Variants in ABCG1 observed in about 807,000 individuals in gnomAD.
ABCG1 encodes ATP binding cassette subfamily G member 1, also known as ATP-binding cassette sub-family G member 1.
ABCG1 carries 29 observed loss-of-function variants against 69.2 expected under a neutral mutation model. The observed-to-expected ratio is 0.42, with a 90% confidence interval of 0.31 to 0.57. The LOEUF is 0.57. Ranked by LOEUF, ABCG1 falls within the 20% of genes least tolerant of loss-of-function variation. ABCG1 has a pLI of 0.15. For missense variants in ABCG1, 718 were observed against 898.1 expected (o/e 0.80, Z 2.56); for synonymous variants, 370 against 374.8 (o/e 0.99, Z 0.15).
chr21:42,250,209 C>T (rs532081430), intron 2 of ABCG1, among the ~76,000 whole-genome samples: 1 of 152,202 alleles, frequency 6.6e-6, no homozygotes, highest in Non-Finnish European at 1.5e-5. Context: ...GGGTTTCTAG[C>T]TGCGCGTGTT....
At chr21:42,214,113 C>T (rs2067615341), upstream of ABCG1, among the ~76,000 whole-genome samples, 2 of 152,182 alleles carry the variant, frequency 1.3e-5, no homozygotes, top group Non-Finnish European at 2.9e-5. Flanking sequence ...GGGGTTCCCC[C>T]TAAATTTATT....
chr21:42,282,499 C>T, intron 6 of ABCG1, 80 bp downstream of exon 6: 2 of 1,491,972 alleles, frequency 1.3e-6, no homozygotes, highest in Non-Finnish European at 9.0e-7. Flanking sequence ...GTGACCCTGA[C>T]ATCCTGATGT....
chr21:42,217,062 C>G (rs1029589369), upstream of ABCG1, among the ~76,000 whole-genome samples: 3 of 152,224 alleles, frequency 2.0e-5, no homozygotes, highest in South Asian at 2.1e-4. Flanking sequence ...CACACACCAT[C>G]CCCCTGGCCA....
Position 42,287,971 on chromosome 21 carries a change from C to T in ABCG1, c.1056C>T (p.Asp352=), listed in dbSNP as rs965514138. 6.2e-7 allele frequency: 1 copy of T among 1,613,850 alleles called. No homozygotes were observed. Among genetic ancestry groups the T allele is most frequent in the Non-Finnish European group, 8.5e-7 (1 of 1,179,826 alleles). ...TTCGGGAGGGCATGTGTGACTCAGA[C>T]CACAAGAGAGACCTCGGGGGTGATG... The part of the protein sequence containing the change: ...RAVREGMCDS[D]HKRDLGGDAE... The change falls in exon 9 of 15, where the codon GAC becomes GAT. Residue 352 remains aspartate (D), a synonymous_variant. Coordinates refer to ENST00000398449, the MANE Select transcript of ABCG1 (RefSeq NM_016818.3). This position sits in a 1 kb window ranked among gnomAD's most constrained non-coding sequence, Gnocchi z 6.2.
chr21:42,289,311 C>T (rs146801556), intron 10 of ABCG1, among the ~76,000 whole-genome samples: 31 of 152,218 alleles, frequency 2.0e-4, no homozygotes, highest in Non-Finnish European at 2.6e-4. Flanking sequence ...CTTTCTTCAC[C>T]ATGTCAAAGG....
rs1285692966 is a variant in ABCG1 at position 42,258,108 on chromosome 21, C to T, written c.287-12962C>T. On this transcript the variant is annotated intron_variant, in intron 2 of 14. Coordinates refer to ENST00000398449, the MANE Select transcript of ABCG1 (RefSeq NM_016818.3). The stretch of plus-strand genomic sequence containing the variant: ...CCTTCCACACTTTTCCCCATCCACT[C>T]CATCAGCCTCTCCATCCATCCCTCC... Among the ~76,000 whole-genome samples, 20 of 89,466 alleles carry T rather than the reference C, an allele frequency of 2.2e-4. 4 individuals carry two copies. The highest frequency in any genetic ancestry group is 4.1e-4 in the Non-Finnish European group (18 of 43,576). 58.7% of individuals were successfully genotyped at this position (89,466 alleles called of 152,430 possible). A position where few individuals can be genotyped will look rare whatever the true frequency, so the allele number is the denominator to read the frequency against.
At chr21:42,285,766 C>A in intron 7 of ABCG1, 114 bp from the exon 8 acceptor site, 1 of 763,232 alleles carries the variant, frequency 1.3e-6, no homozygotes, top group South Asian at 1.5e-5. Context: ...AGTGGCTGAT[C>A]GCTGGGCTGA....
chr21:42,200,423 G>A (rs1389260063), intron 1 of ABCG1, among the ~76,000 whole-genome samples: 1 of 152,186 alleles, frequency 6.6e-6, no homozygotes. Context: ...CAGTCTTCCT[G>A]GAAGTGTGGG....
At chr21:42,284,206 C>T (rs564666821) in intron 6 of ABCG1, among the ~76,000 whole-genome samples, 37 of 120,468 alleles carry the variant, frequency 3.1e-4, no homozygotes, top group Non-Finnish European at 5.1e-4. Flanking sequence ...AAAGTCCCCC[C>T]GCCCAGATGA....
Position 42,233,816 on chromosome 21 carries a change from A to G in ABCG1, c.286+7902A>G, listed in dbSNP as rs550733351. Reference sequence around the variant, plus strand: ...GAAGGTTCTTGCTGTCTGTAAACTGATAAGGGTGGAACCCGCTGGAAGGGC... The same window carrying G: ...GAAGGTTCTTGCTGTCTGTAAACTGGTAAGGGTGGAACCCGCTGGAAGGGC... On this transcript the variant is annotated intron_variant, in intron 2 of 14. Coordinates refer to ENST00000398449, the MANE Select transcript of ABCG1 (RefSeq NM_016818.3). 3.3e-5 allele frequency among the ~76,000 whole-genome samples: 5 copies of G among 152,378 alleles called. No individual in the cohort carries two copies. The East Asian group carries it at 7.7e-4, about 24-fold the overall frequency.
chr21:42,282,258 G>A lies in ABCG1; in HGVS notation c.589-16G>A, dbSNP rs146234993. 886 of 1,608,922 alleles carry A rather than the reference G, an allele frequency of 5.5e-4. 2 individuals carry two copies. In the African/African-American group the frequency reaches 0.01, roughly 19 times the overall value. ...TGGCGGGCAGCTCCCAATGTCTCTC[G>A]TTCTGTTGCCCCCAGGTCAAGGAGA... is the stretch of plus-strand genomic sequence containing the variant. On this transcript the variant is annotated splice_polypyrimidine_tract_variant and intron_variant, in intron 5 of 14. Coordinates refer to ENST00000398449, the MANE Select transcript of ABCG1 (RefSeq NM_016818.3).
intron 3 of ABCG1, among the ~76,000 whole-genome samples, chr21:42,272,542 C>T (rs1055151593): frequency 4.6e-5 from 7 of 152,246 alleles, no homozygotes; most frequent in Non-Finnish European, 7.3e-5. Context: ...TTCCCCATAA[C>T]GTCTAGGAGG....
intron 5 of ABCG1, 121 bp from the exon 6 acceptor site, chr21:42,282,153 G>C (rs2068821432): frequency 2.9e-6 from 4 of 1,399,124 alleles, no homozygotes; most frequent in Non-Finnish European, 3.8e-6. Flanking sequence ...TGGCCTCCAC[G>C]TGGGCCAGGC....
rs115374399 is a variant in ABCG1 at position 42,248,814 on chromosome 21, G to A, written c.287-22256G>A. Among the ~76,000 whole-genome samples the A allele has an allele frequency of 3.4e-3, 514 of 151,320 alleles. 1 individual carries two copies. The highest frequency in any genetic ancestry group is 0.012 in the African/African-American group (488 of 41,150). On this transcript the variant is annotated intron_variant, in intron 2 of 14. Transcript: ENST00000398449. ...CCCAGTTACTTGGGGGGCTGAGGGAGGACTTTTTGAGCCAGGGAGATTGAG... is the reference window on the plus strand; with the variant it reads ...CCCAGTTACTTGGGGGGCTGAGGGAAGACTTTTTGAGCCAGGGAGATTGAG...
chr21:42,280,163 C>G (rs2068781789), intron 5 of ABCG1, among the ~76,000 whole-genome samples: 1 of 152,252 alleles, frequency 6.6e-6, no homozygotes, highest in African/African-American at 2.4e-5. Flanking sequence ...GGCACAGGTG[C>G]ATGCCTCGCC....
intron 3 of ABCG1, among the ~76,000 whole-genome samples, chr21:42,272,659 C>T (rs1008954371): frequency 2.0e-5 from 3 of 152,232 alleles, no homozygotes; most frequent in South Asian, 2.1e-4. Flanking sequence ...GCAGCAGAGG[C>T]GCACAGTAGG....
chr21:42,258,343 A>C (rs2068344645), intron 2 of ABCG1, among the ~76,000 whole-genome samples: 7 of 119,790 alleles, frequency 5.8e-5, no homozygotes, highest in South Asian at 2.8e-4. Flanking sequence ...TCCCTCCTCC[A>C]TCCCTCCCTC....
At chr21:42,292,508 G>A (rs1197538901) in intron 13 of ABCG1, among the ~76,000 whole-genome samples, 2 of 151,988 alleles carry the variant, frequency 1.3e-5, no homozygotes, top group East Asian at 3.8e-4. Context: ...CTCAGGCTCC[G>A]CAGGGGTCAC....
At chr21:42,211,530 G>A (rs2123473912), upstream of ABCG1, among the ~76,000 whole-genome samples, 1 of 151,222 alleles carries the variant, frequency 6.6e-6, no homozygotes, top group East Asian at 1.9e-4. Flanking sequence ...CCAAATGTTG[G>A]TATCCTCCCC....
Sources: allele counts gnomAD v4.1 joint callset (sites outside exome capture counted in the v4.1 genomes callset), GRCh38; gene constraint gnomAD v4.1.1; non-coding constraint Gnocchi (gnomAD v3.1); transcripts MANE v1.5; gene names NCBI Gene and HGNC (gene_info 2026-07-23, HGNC 2026-07-21).